PSD4: variants seen among roughly 807,000 people sequenced by gnomAD.
PSD4 encodes the protein pleckstrin and Sec7 domain containing 4.
Under a neutral mutation model 112.5 loss-of-function variants are expected in PSD4, and 59 were observed. That is an observed-to-expected ratio of 0.52 (90% CI 0.43 to 0.65). The LOEUF (loss-of-function observed/expected upper bound fraction) is 0.65. Ranked by LOEUF, PSD4 falls within the 30% of genes least tolerant of loss-of-function variation. The pLI, the probability that PSD4 is intolerant of heterozygous loss-of-function variation, is 0.00. For synonymous variants in PSD4, 533 were observed against 540.0 expected (o/e 0.99, Z 0.18); for missense variants, 1,267 against 1,352.6 (o/e 0.94, Z 0.99).
At chr2:113,191,436 TA>T (rs1688438503) in intron 5 of PSD4, among the ~76,000 whole-genome samples, 1 of 152,172 alleles carries the variant, frequency 6.6e-6, no homozygotes, top group Non-Finnish European at 1.5e-5. Context: ...CCACCCTGCC[TA>T]ATTTTTGTAT....
chr2:113,191,969 A>G (rs1219235038), intron 5 of PSD4, among the ~76,000 whole-genome samples: 1 of 152,082 alleles, frequency 6.6e-6, no homozygotes, highest in Non-Finnish European at 1.5e-5. Context: ...CTAGGAGTGG[A>G]GGCTAGAGCC....
Position 113,208,811 on chromosome 2 carries a change from C to G in PSD4, c.*7396C>G, listed in dbSNP as rs928118421. ...TCAGTTACTAGTATTTCCTCTGAGC[C>G]TCTAGTCATGGTCATGGGCTAATCT... On this transcript the variant is annotated 3_prime_UTR_variant, in exon 17 of 17. Transcript: ENST00000245796. The G allele has an allele frequency of 6.6e-6, 1 of 152,222 alleles. No individual in the cohort carries two copies. The highest frequency in any genetic ancestry group is 2.4e-5 in the African/African-American group (1 of 41,448). 9.4% of individuals were successfully genotyped at this position (152,222 alleles called of 1,614,324 possible). A position where few individuals can be genotyped will look rare whatever the true frequency, so the allele number is the denominator to read the frequency against.
chr2:113,195,591 A>G (rs1216374934), intron 10 of PSD4, 136 bp from the exon 11 acceptor site: 19 of 773,752 alleles, frequency 2.5e-5, no homozygotes, highest in Non-Finnish European at 3.1e-5. Context: ...TTGCTTACTC[A>G]AGGAGGAAGG....
At position 113,192,865 on chromosome 2, in the gene PSD4, G is replaced by A. The variant is rs567522088; in HGVS notation, c.1839-183G>A. 1.1e-4 allele frequency among the ~76,000 whole-genome samples: 16 copies of A among 152,268 alleles called. 2 individuals are homozygous for A. The highest frequency in any genetic ancestry group is 3.6e-4 in the African/African-American group (15 of 41,566). On this transcript the variant is annotated intron_variant, in intron 6 of 16. Transcript: ENST00000245796. ...TGTCTCCCAGTGTACACTGAATAGGGTAGCAGGGCATACCAGACCCTGGCT... is the reference window on the plus strand; with the variant it reads ...TGTCTCCCAGTGTACACTGAATAGGATAGCAGGGCATACCAGACCCTGGCT...
At position 113,191,591 on chromosome 2, in the gene PSD4, T is replaced by C. The variant is rs546491846; in HGVS notation, c.1629-789T>C. ...AGGCCCCTGGAATGTTTTCATATTA[T>C]GATGTCTTCTGCTTACCAGTTCAAC... On this transcript the variant is annotated intron_variant, in intron 5 of 16. Coordinates refer to ENST00000245796, the MANE Select transcript of PSD4 (RefSeq NM_012455.3). Among the ~76,000 whole-genome samples, 123 of 152,336 alleles carry C rather than the reference T, an allele frequency of 8.1e-4. 1 individual carries two copies. The highest frequency in any genetic ancestry group is 2.8e-3 in the African/African-American group (117 of 41,576).
rs1220212961 is a variant in PSD4 at position 113,208,558 on chromosome 2, A to G, written c.*7143A>G. 3 of 152,204 alleles carry G rather than the reference A, an allele frequency of 2.0e-5. No homozygotes were observed. The highest frequency in any genetic ancestry group is 7.2e-5 in the African/African-American group (3 of 41,446). The allele number at this position is 152,204 out of a possible 1,614,324, so 9.4% of individuals were successfully genotyped here. A position where few individuals can be genotyped will look rare whatever the true frequency, so the allele number is the denominator to read the frequency against. On this transcript the variant is annotated 3_prime_UTR_variant, in exon 17 of 17. Coordinates refer to ENST00000245796, the MANE Select transcript of PSD4 (RefSeq NM_012455.3). ...GGATACATACAGAGATGTGACCCGG[A>G]TGGATGGACCTTTGCCTCACAATCA...
rs1331771985 is a variant in PSD4, at chr2:113,201,681, T to C, written c.*266T>C. On this transcript the variant is annotated 3_prime_UTR_variant, in exon 17 of 17. Transcript: ENST00000245796. ...CCCAAGGGAAGAGGGAGGTGAGGAC[T>C]TGACTTTCCTCCCAGAGCTCAGCCC... 1 of 520,714 alleles carries C rather than the reference T, an allele frequency of 1.9e-6. No homozygotes were observed. Among genetic ancestry groups the C allele is most frequent in the Non-Finnish European group, 3.4e-6 (1 of 291,260 alleles). 32.3% of individuals were successfully genotyped at this position (520,714 alleles called of 1,614,324 possible).
intron 8 of PSD4, 101 bp from the exon 9 acceptor site, chr2:113,193,491 G>A (rs1688514189): frequency 1.3e-6 from 2 of 1,496,694 alleles, no homozygotes; most frequent in Non-Finnish European, 1.9e-6. Flanking sequence ...GAGAATGGAA[G>A]CATTCCAGGG....
intron 10 of PSD4, among the ~76,000 whole-genome samples, chr2:113,194,190 T>C (rs920220370): frequency 1.3e-5 from 2 of 152,260 alleles, no homozygotes; most frequent in African/African-American, 4.8e-5. Flanking sequence ...TCAGACTCTC[T>C]GAGACTGGGA....
chr2:113,192,113 G>A (rs546134032), intron 5 of PSD4, among the ~76,000 whole-genome samples: 1 of 151,966 alleles, frequency 6.6e-6, no homozygotes, highest in African/African-American at 2.4e-5. Flanking sequence ...CACCTGAGGT[G>A]AGATAAACTC....
At chr2:113,174,427 C>T (rs370539674) in intron 1 of PSD4, among the ~76,000 whole-genome samples, 207 of 152,286 alleles carry the variant, frequency 1.4e-3, no homozygotes, top group African/African-American at 4.5e-3. Flanking sequence ...AGTGTCACTG[C>T]GTCCCCAGTG....
chr2:113,195,534 CGGAT>C (rs61576963), intron 10 of PSD4, among the ~76,000 whole-genome samples, 189 bp from the exon 11 acceptor site: 1,930 of 150,612 alleles, frequency 0.013, 17 homozygotes, highest in Non-Finnish European at 0.017. Context: ...CTTTGTTGCA[CGGAT>C]GGATGGATGG....
chr2:113,185,869 T>C lies in PSD4; in HGVS notation c.1250-8T>C. ...CCTGTGCCCGCCTCACTTCATGTTC[T>C]TCCTCAGATGAGAGGGAGGGTGGAC... On this transcript the variant is annotated splice_polypyrimidine_tract_variant and splice_region_variant and intron_variant, in intron 4 of 16. Transcript: ENST00000245796. 1 of 1,607,314 alleles carries C rather than the reference T, an allele frequency of 6.2e-7. No homozygotes were observed. The highest frequency in any genetic ancestry group is 8.5e-7 in the Non-Finnish European group (1 of 1,176,930).
chr2:113,200,182 C>T (rs1259956656), intron 16 of PSD4, among the ~76,000 whole-genome samples: 1 of 152,154 alleles, frequency 6.6e-6, no homozygotes, highest in Non-Finnish European at 1.5e-5. Flanking sequence ...CTTAGTCTCC[C>T]CCAACCCTCA....
intron 12 of PSD4, among the ~76,000 whole-genome samples, chr2:113,196,978 C>T (rs1688631370): frequency 6.6e-6 from 1 of 152,244 alleles, no homozygotes; most frequent in South Asian, 2.1e-4. Context: ...GCTGGGGCGA[C>T]CAGGATGGGA....
rs45555639 is a variant in PSD4 at position 113,197,313 on chromosome 2, T to A, written c.2387-251T>A. The A allele has an allele frequency of 6.0e-4, 332 of 555,122 alleles. 6 individuals are homozygous for A. In the South Asian group the frequency reaches 6.4e-3, roughly 11 times the overall value. 34.4% of individuals were successfully genotyped at this position (555,122 alleles called of 1,614,324 possible). On this transcript the variant is annotated intron_variant, in intron 12 of 16. Coordinates refer to ENST00000245796, the MANE Select transcript of PSD4 (RefSeq NM_012455.3). ...GGAGAGAAGATGATATGTATGAATA[T>A]CTATATTTGGATGTGAGTGGTTCTA...
At chr2:113,177,682 C>T (rs1688015143) in intron 1 of PSD4, among the ~76,000 whole-genome samples, 1 of 130,200 alleles carries the variant, frequency 7.7e-6, no homozygotes, top group Non-Finnish European at 1.5e-5. Flanking sequence ...AAGTATGCCC[C>T]CAGACCTTGT....
intron 15 of PSD4, 88 bp downstream of exon 15, chr2:113,198,972 G>T: frequency 1.3e-6 from 2 of 1,530,082 alleles, no homozygotes; most frequent in Non-Finnish European, 1.8e-6. Flanking sequence ...CTGGAGGCGG[G>T]CTGCGCACTT....
chr2:113,186,655 G>T (rs1046447265), intron 5 of PSD4, among the ~76,000 whole-genome samples: 1 of 152,202 alleles, frequency 6.6e-6, no homozygotes, highest in Non-Finnish European at 1.5e-5. Context: ...GGGGATTATG[G>T]ACTGCTTTGA....
Sources: gnomAD v4.1 joint callset for allele counts (sites outside exome capture counted in the v4.1 genomes callset) on GRCh38, gnomAD v4.1.1 for gene constraint, MANE v1.5 for transcripts, NCBI Gene and HGNC (gene_info 2026-07-23, HGNC 2026-07-21) for gene names.